The following GRIK4 variants were observed in gnomAD, a reference collection of about 807,000 sequenced individuals.
GRIK4 encodes the protein glutamate ionotropic receptor kainate type subunit 4.
GRIK4 carries 40 observed loss-of-function variants against 104.9 expected under a neutral mutation model. The ratio of observed to expected loss-of-function variants is 0.38; its 90% confidence interval spans 0.30 to 0.50. The LOEUF (loss-of-function observed/expected upper bound fraction) is 0.50, where lower values mean the gene tolerates loss of function less well. Among genes scored for constraint, GRIK4 ranks in the 20% least tolerant of loss-of-function variants. The pLI is 0.93. For synonymous variants in GRIK4, 485 were observed against 524.9 expected, an observed-to-expected ratio of 0.92 and a Z score of 1.04; for missense variants, 1,047 against 1,308.1, an observed-to-expected ratio of 0.80 and a Z score of 3.08.
chr11:120,743,804 C>T (rs1037640887), intron 3 of GRIK4, among the ~76,000 whole-genome samples: 4 of 152,186 alleles, frequency 2.6e-5, no homozygotes, highest in Admixed American at 2.0e-4. Flanking sequence ...AGTCAGCTAA[C>T]GCTGTTGGGC....
At chr11:120,981,647 A>C (rs1402873889) in intron 19 of GRIK4, among the ~76,000 whole-genome samples, 1 of 152,262 alleles carries the variant, frequency 6.6e-6, no homozygotes, top group Non-Finnish European at 1.5e-5. Context: ...GGTAAATATA[A>C]CTTTTTCTAT....
intron 1 of GRIK4, among the ~76,000 whole-genome samples, chr11:120,538,046 T>G (rs550485604): frequency 6.6e-6 from 1 of 152,366 alleles, no homozygotes; most frequent in Admixed American, 6.5e-5. Flanking sequence ...TAAACAAAAG[T>G]GTGTCACAGC....
chr11:120,550,450 G>A (rs1199933191), intron 1 of GRIK4, among the ~76,000 whole-genome samples: 3 of 152,068 alleles, frequency 2.0e-5, no homozygotes, highest in Non-Finnish European at 4.4e-5. Context: ...TCAGTCTCTC[G>A]GCAGGGTGAA....
intron 1 of GRIK4, among the ~76,000 whole-genome samples, chr11:120,568,096 T>C (rs1948353099): frequency 6.6e-6 from 1 of 152,180 alleles, no homozygotes; most frequent in African/African-American, 2.4e-5. Flanking sequence ...GAGGATTGCT[T>C]GAGCCCTGGA....
Position 120,669,532 on chromosome 11 carries a change from A to G in GRIK4, c.82+9132A>G, listed in dbSNP as rs144811326. Among the ~76,000 whole-genome samples, 396 of 152,332 alleles carry G rather than the reference A, an allele frequency of 2.6e-3. 2 individuals are homozygous for G. The highest frequency in any genetic ancestry group is 9.0e-3 in the African/African-American group (375 of 41,568). On this transcript the variant is annotated intron_variant, in intron 3 of 20. Transcript: ENST00000527524. ...TTCCCTATCAATAGGACCTTCTCCAACCAGACTTTCAGTCCCGGGCATTGA... is the reference window on the plus strand; with the variant it reads ...TTCCCTATCAATAGGACCTTCTCCAGCCAGACTTTCAGTCCCGGGCATTGA...
At chr11:120,629,529 T>C (rs1949306473) in intron 1 of GRIK4, among the ~76,000 whole-genome samples, 1 of 152,130 alleles carries the variant, frequency 6.6e-6, no homozygotes, top group South Asian at 2.1e-4. Context: ...GACCCTGCTC[T>C]GATGAGAAGG....
intron 3 of GRIK4, among the ~76,000 whole-genome samples, chr11:120,779,223 G>A (rs536787506): frequency 1.3e-5 from 2 of 152,160 alleles, no homozygotes; most frequent in African/African-American, 2.4e-5. Context: ...AAGGTAGTCC[G>A]CAGGCCTTCT....
intron 1 of GRIK4, among the ~76,000 whole-genome samples, chr11:120,651,147 G>C (rs117096041): frequency 0.018 from 2,699 of 152,286 alleles, 40 homozygotes; most frequent in South Asian, 0.03. Context: ...CATCCTATTG[G>C]GGAAAGATGA....
At chr11:120,620,801 A>C (rs1347181410) in intron 1 of GRIK4, among the ~76,000 whole-genome samples, 1 of 152,280 alleles carries the variant, frequency 6.6e-6, no homozygotes, top group East Asian at 1.9e-4. Flanking sequence ...ACTGACAACT[A>C]TCAGACACTA....
chr11:120,686,318 G>A (rs1228258330), intron 3 of GRIK4, among the ~76,000 whole-genome samples: 6 of 152,158 alleles, frequency 3.9e-5, no homozygotes, highest in Admixed American at 3.9e-4. Flanking sequence ...CAACCGTGAA[G>A]TCTATTATCA....
intron 3 of GRIK4, among the ~76,000 whole-genome samples, chr11:120,751,413 A>T (rs1254034990): frequency 6.6e-6 from 1 of 152,240 alleles, no homozygotes; most frequent in East Asian, 1.9e-4. Context: ...TTGCATAGGA[A>T]GTCCTATCGG....
At chr11:120,580,379 G>A (rs1218954708) in intron 1 of GRIK4, among the ~76,000 whole-genome samples, 1 of 151,428 alleles carries the variant, frequency 6.6e-6, no homozygotes, top group Non-Finnish European at 1.5e-5. Flanking sequence ...GGGTTCAAGT[G>A]ATTCTCCTGC....
intron 14 of GRIK4, among the ~76,000 whole-genome samples, chr11:120,945,825 G>A (rs1267216501): frequency 6.6e-6 from 1 of 152,166 alleles, no homozygotes; most frequent in Non-Finnish European, 1.5e-5. Context: ...ACACAACATA[G>A]CATCCACCTG....
chr11:120,898,769 C>A, intron 12 of GRIK4, 130 bp downstream of exon 12: 3 of 632,956 alleles, frequency 4.7e-6, no homozygotes, highest in Non-Finnish European at 5.8e-6. Context: ...TTTATGACAG[C>A]GTAATTACAC....
intron 9 of GRIK4, among the ~76,000 whole-genome samples, chr11:120,863,868 G>T (rs945961619): frequency 3.3e-5 from 5 of 152,222 alleles, no homozygotes; most frequent in Admixed American, 2.0e-4. Context: ...CAGGAAGGAA[G>T]GGGTAGCTAA....
At chr11:120,816,881 T>C (rs975750786) in intron 5 of GRIK4, among the ~76,000 whole-genome samples, 1 of 152,028 alleles carries the variant, frequency 6.6e-6, no homozygotes, top group Admixed American at 6.5e-5. Context: ...CCCGGTCACA[T>C]ATCCTCAAAT....
In GRIK4 at chr11:120,771,115, A is replaced by G. The variant is rs140011309; in HGVS notation, c.83-31578A>G. Among the ~76,000 whole-genome samples, 832 of 152,338 alleles carry G rather than the reference A, an allele frequency of 5.5e-3. 8 individuals are homozygous for G. The highest frequency in any genetic ancestry group is 0.018 in the African/African-American group (768 of 41,580). On this transcript the variant is annotated intron_variant, in intron 3 of 20. Transcript: ENST00000527524. ...GAGTTTTGAGATGCATACTAGAAAA[A>G]ACTTACATTGCCAAGAACAGACTGT...
chr11:120,683,557 G>A (rs1430176913), intron 3 of GRIK4, among the ~76,000 whole-genome samples: 1 of 152,212 alleles, frequency 6.6e-6, no homozygotes, highest in Non-Finnish European at 1.5e-5. Context: ...ACATATAAGT[G>A]GTATTCAGAG....
chr11:120,833,742 C>T (rs1459647408), intron 7 of GRIK4, among the ~76,000 whole-genome samples: 2 of 152,158 alleles, frequency 1.3e-5, no homozygotes, highest in Non-Finnish European at 2.9e-5. Flanking sequence ...ATCCTATCAC[C>T]CAGAGCTATT....
Sources: gnomAD v4.1 joint callset for allele counts (sites outside exome capture counted in the v4.1 genomes callset) on GRCh38, gnomAD v4.1.1 for gene constraint, MANE v1.5 for transcripts, NCBI Gene and HGNC (gene_info 2026-07-23, HGNC 2026-07-21) for gene names.